The following ACTA2 variants were observed in gnomAD, a reference collection of about 807,000 sequenced individuals.
The protein encoded by ACTA2 is actin, aortic smooth muscle.
ACTA2 carries 12 observed loss-of-function variants against 39.5 expected under a neutral mutation model. That is an observed-to-expected ratio of 0.30 (90% CI 0.19 to 0.49). ACTA2 has a LOEUF of 0.49. Among genes scored for constraint, ACTA2 ranks in the 20% least tolerant of loss-of-function variants. The probability of loss-of-function intolerance (pLI) is 0.99; values close to 1 mark genes in which losing one functional copy is unlikely to be tolerated. For synonymous variants in ACTA2, 158 were observed against 180.6 expected (o/e 0.88, Z 1.00); for missense variants, 236 against 498.8 (o/e 0.47, Z 5.02).
chr10:88,958,699 G>A (rs1292359536), intron 1 of ACTA2, among the ~76,000 whole-genome samples: 1 of 152,178 alleles, frequency 6.6e-6, no homozygotes, highest in Non-Finnish European at 1.5e-5. Flanking sequence ...ATTGGCACCA[G>A]CTAGCTCAAG....
chr10:88,990,814 T>G lies in ACTA2; in HGVS notation c.-24+125A>C, dbSNP rs978224604. 6.2e-7 allele frequency: 1 copy of G among 1,610,480 alleles called. No individual in the cohort carries two copies. The highest frequency in any genetic ancestry group is 8.5e-7 in the Non-Finnish European group (1 of 1,176,862). On this transcript the variant is annotated intron_variant, in intron 1 of 4. Transcript: ENST00000415557. The surrounding 1 kb of genome is among the most constrained non-coding windows in gnomAD (Gnocchi z 4.9). ...CGGAGCTGCCTCTTCTCCCGCGGGT[T>G]GGTGGACCCGCTCAGTACGGAGTTG...
At chr10:88,935,879 G>A (rs1008800170) in intron 8 of ACTA2, among the ~76,000 whole-genome samples, 4 of 152,256 alleles carry the variant, frequency 2.6e-5, no homozygotes, top group Non-Finnish European at 5.9e-5. Flanking sequence ...CCCCTGCTGG[G>A]GACATTCCCT....
chr10:88,947,152 G>A, intron 3 of ACTA2, 106 bp downstream of exon 3: 3 of 1,472,022 alleles, frequency 2.0e-6, no homozygotes, highest in Non-Finnish European at 1.9e-6. Context: ...AAGTACAGTT[G>A]AGCAATGTGA....
chr10:88,957,547 G>T (rs895804111), upstream of ACTA2, among the ~76,000 whole-genome samples: 2 of 152,024 alleles, frequency 1.3e-5, no homozygotes, highest in African/African-American at 4.8e-5. Flanking sequence ...ACTAATATGT[G>T]CCAACATTGC....
intron 1 of ACTA2, among the ~76,000 whole-genome samples, chr10:88,969,272 A>G (rs1846379521): frequency 6.6e-6 from 1 of 152,140 alleles, no homozygotes; most frequent in Non-Finnish European, 1.5e-5. Flanking sequence ...TTCATTTCCC[A>G]AAAAAAGCTC....
At position 88,945,545 on chromosome 10, in the gene ACTA2, G is replaced by A. The variant is rs572607364; in HGVS notation, c.259-1638C>T. Among the ~76,000 whole-genome samples the A allele has an allele frequency of 1.7e-3, 252 of 152,072 alleles. 3 individuals carry two copies. Among genetic ancestry groups the A allele is most frequent in the African/African-American group, 5.7e-3 (237 of 41,442 alleles). On this transcript the variant is annotated intron_variant, in intron 3 of 8. Coordinates refer to ENST00000224784, the MANE Select transcript of ACTA2 (RefSeq NM_001613.4). ...CTTCTGTTTTTTTCTCTGATCACTG[G>A]TGTCTGTAATGTTTAATGACCAAAC... is the stretch of plus-strand genomic sequence containing the variant.
chr10:88,976,949 T>C (rs1322198359), intron 1 of ACTA2, among the ~76,000 whole-genome samples: 1 of 152,172 alleles, frequency 6.6e-6, no homozygotes, highest in Non-Finnish European at 1.5e-5. Flanking sequence ...GTGAAGGTAA[T>C]TTTTGCCCAC....
chr10:88,947,160 T>G, intron 3 of ACTA2, 98 bp downstream of exon 3: 72 of 1,523,414 alleles, frequency 4.7e-5, no homozygotes, highest in Non-Finnish European at 5.5e-5. Flanking sequence ...TTGAGCAATG[T>G]GAGCCAGTTA....
Position 88,990,043 on chromosome 10 carries a change from C to T in ACTA2, c.-24+896G>A, listed in dbSNP as rs1847071771. Among the ~76,000 whole-genome samples, 1 of 152,070 alleles carries T rather than the reference C, an allele frequency of 6.6e-6. No homozygotes were observed. ...CCAGGAAATAATGAGTAACGAAGGACAGGAAGTAATTGTGAATGTTTAATA... is the reference window on the plus strand; with the variant it reads ...CCAGGAAATAATGAGTAACGAAGGATAGGAAGTAATTGTGAATGTTTAATA... On this transcript the variant is annotated intron_variant, in intron 1 of 4. Coordinates refer to the ACTA2 transcript ENST00000415557. The surrounding 1 kb of genome is among the most constrained non-coding windows in gnomAD (Gnocchi z 4.9).
intron 1 of ACTA2, among the ~76,000 whole-genome samples, chr10:88,965,537 A>G (rs1196210068): frequency 1.3e-5 from 2 of 152,202 alleles, no homozygotes; most frequent in Admixed American, 6.5e-5. Flanking sequence ...GCGGCTGCCT[A>G]GTGTACTTGC....
intron 1 of ACTA2, among the ~76,000 whole-genome samples, chr10:88,951,634 G>GCTCTA (rs1846051997): frequency 6.6e-6 from 1 of 152,198 alleles, no homozygotes; most frequent in South Asian, 2.1e-4. Context: ...TAACCTGAAT[G>GCTCTA]AGCAGTTCGG....
At chr10:88,989,745 T>TGGGTTGAATCTAATTGGGAA (rs1202720923) in intron 1 of ACTA2, among the ~76,000 whole-genome samples, 4 of 152,156 alleles carry the variant, frequency 2.6e-5, no homozygotes, top group Non-Finnish European at 5.9e-5. Context: ...GTGTTATTAA[T>TGGGTTGAATCTAATTGGGAA]GGGTTGAATC....
intron 1 of ACTA2, among the ~76,000 whole-genome samples, chr10:88,966,118 A>C (rs1406231945): frequency 6.6e-6 from 1 of 152,202 alleles, no homozygotes; most frequent in African/African-American, 2.4e-5. Context: ...GATTTCTGGC[A>C]TGGGGCCTAG....
intron 1 of ACTA2, among the ~76,000 whole-genome samples, chr10:88,971,627 T>G (rs1846449476): frequency 6.6e-6 from 1 of 152,246 alleles, no homozygotes; most frequent in Non-Finnish European, 1.5e-5. Context: ...CCAACCACTT[T>G]AAGAGTTCTT....
intron 1 of ACTA2, among the ~76,000 whole-genome samples, chr10:88,961,116 A>T (rs1431064579): frequency 6.6e-6 from 1 of 152,204 alleles, no homozygotes; most frequent in Non-Finnish European, 1.5e-5. Context: ...CACTGAAGTG[A>T]TGTGAGGTAG....
intron 1 of ACTA2, among the ~76,000 whole-genome samples, chr10:88,959,389 G>T (rs950744409): frequency 6.6e-6 from 1 of 152,124 alleles, no homozygotes; most frequent in Non-Finnish European, 1.5e-5. Context: ...CTTCAGAATA[G>T]ACCAGGGATC....
chr10:88,955,482 T>C, upstream of ACTA2, among the ~76,000 whole-genome samples: 1 of 152,208 alleles, frequency 6.6e-6, no homozygotes, highest in East Asian at 1.9e-4. Flanking sequence ...CAAACAGTTC[T>C]CCTAAGATAG....
In ACTA2 at chr10:88,935,212, AG is replaced by A; in HGVS notation, c.*10del. Reference sequence around the variant, plus strand: ...TTGTGTGCTAGAGACAGAGAGGAGCAGGAAAGTGTTTTAGAAGCATTTGCGG... The same window carrying A: ...TTGTGTGCTAGAGACAGAGAGGAGCAGAAAGTGTTTTAGAAGCATTTGCGG... On this transcript the variant is annotated 3_prime_UTR_variant, in exon 9 of 9. Coordinates refer to ENST00000224784, the MANE Select transcript of ACTA2 (RefSeq NM_001613.4). 6.2e-7 allele frequency: 1 copy of A among 1,612,558 alleles called. No homozygotes were observed. The highest frequency in any genetic ancestry group is 1.3e-5 in the African/African-American group (1 of 74,986).
rs144339109 is a variant in ACTA2 at position 88,966,145 on chromosome 10, A to C, written c.-23-17192T>G. Reference sequence around the variant, plus strand: ...GGGGCCTAGAGATCTGCATTTAAACAAGAGCCACACAGAAGCACTTGGACA... The same window carrying C: ...GGGGCCTAGAGATCTGCATTTAAACCAGAGCCACACAGAAGCACTTGGACA... On this transcript the variant is annotated intron_variant, in intron 1 of 4. Transcript: ENST00000415557. Among the ~76,000 whole-genome samples the C allele has an allele frequency of 3.7e-3, 561 of 152,332 alleles. 5 individuals carry two copies. Among genetic ancestry groups the C allele is most frequent in the African/African-American group, 0.013 (525 of 41,562 alleles).
Sources: gnomAD v4.1 joint callset for allele counts (sites outside exome capture counted in the v4.1 genomes callset) on GRCh38, gnomAD v4.1.1 for gene constraint, Gnocchi (gnomAD v3.1) non-coding constraint, MANE v1.5 for transcripts, NCBI Gene and HGNC (gene_info 2026-07-23, HGNC 2026-07-21) for gene names.